The following EMSY variants were observed in gnomAD, a reference collection of about 807,000 sequenced individuals.
The protein encoded by EMSY is BRCA2-interacting transcriptional repressor EMSY.
EMSY carries 26 observed loss-of-function variants against 134.6 expected under a neutral mutation model. The ratio of observed to expected loss-of-function variants is 0.19; its 90% confidence interval spans 0.14 to 0.27. The LOEUF (loss-of-function observed/expected upper bound fraction) is 0.27. Among genes scored for constraint, EMSY ranks in the 10% least tolerant of loss-of-function variants. The pLI is 1.00. For synonymous variants in EMSY, 579 were observed against 577.8 expected, an observed-to-expected ratio of 1.00 and a Z score of -0.03; for missense variants, 1,305 against 1,611.4, an observed-to-expected ratio of 0.81 and a Z score of 3.26.
In EMSY at chr11:76,503,889, A is replaced by G. The variant is rs140912855; in HGVS notation, c.1363+7420A>G. 6.0e-3 allele frequency among the ~76,000 whole-genome samples: 906 copies of G among 151,986 alleles called. 18 individuals are homozygous for G. The highest frequency in any genetic ancestry group is 0.059 in the East Asian group (304 of 5,172). ...AACTTACGCCTCCTGGGTTCAAGCA[A>G]TTCTCCTGCTTCAGCCTCCCGAGTA... On this transcript the variant is annotated intron_variant, in intron 9 of 20. Transcript: ENST00000334736.
chr11:76,482,955 T>G (rs539475020), intron 8 of EMSY, among the ~76,000 whole-genome samples: 24 of 152,202 alleles, frequency 1.6e-4, no homozygotes, highest in Admixed American at 6.5e-4. Context: ...AATCGTCAGA[T>G]TCACCAAGGT....
chr11:76,519,609 C>A (rs181530342), intron 11 of EMSY, among the ~76,000 whole-genome samples: 1 of 152,042 alleles, frequency 6.6e-6, no homozygotes, highest in Non-Finnish European at 1.5e-5. Flanking sequence ...CTTTTTCATT[C>A]GTTCATTCTT....
chr11:76,467,490 T>G (rs1331531882), intron 7 of EMSY, among the ~76,000 whole-genome samples: 1 of 152,238 alleles, frequency 6.6e-6, no homozygotes, highest in Non-Finnish European at 1.5e-5. Flanking sequence ...TTGTTTATCT[T>G]CTATTTCTCC....
intron 6 of EMSY, among the ~76,000 whole-genome samples, chr11:76,462,632 T>C (rs1459738227): frequency 6.6e-6 from 1 of 152,140 alleles, no homozygotes; most frequent in African/African-American, 2.4e-5. Flanking sequence ...AGGTCATTGA[T>C]GTTAGGTGGT....
At chr11:76,470,982 C>G (rs1260052767) in intron 7 of EMSY, among the ~76,000 whole-genome samples, 1 of 152,130 alleles carries the variant, frequency 6.6e-6, no homozygotes, top group Non-Finnish European at 1.5e-5. Flanking sequence ...CTTGACATCT[C>G]TTTCCTGCCT....
intron 20 of EMSY, among the ~76,000 whole-genome samples, chr11:76,549,449 GTTC>G (rs1294368859): frequency 5.9e-5 from 9 of 152,214 alleles, no homozygotes; most frequent in Non-Finnish European, 1.3e-4. Flanking sequence ...TACAGCAAGT[GTTC>G]TTCTACTGGT....
rs559571992 is a variant in EMSY at position 76,462,791 on chromosome 11, T to C, written c.572-1030T>C. ...CAGGTATTGTGTTCTTGGAAAGATA[T>C]GGAGTCTTGAATGATATGGTAATGA... On this transcript the variant is annotated intron_variant, in intron 6 of 20. Coordinates refer to ENST00000334736, the Ensembl canonical transcript of EMSY. 3.3e-5 allele frequency among the ~76,000 whole-genome samples: 5 copies of C among 152,346 alleles called. No homozygotes were observed. In the South Asian group the frequency reaches 8.3e-4, roughly 25 times the overall value.
At chr11:76,473,146 A>G (rs1162733061) in intron 8 of EMSY, among the ~76,000 whole-genome samples, 6 of 152,214 alleles carry the variant, frequency 3.9e-5, no homozygotes, top group Non-Finnish European at 4.4e-5. Flanking sequence ...TAATATAATG[A>G]AATTTTTAAA....
chr11:76,487,825 G>T (rs370910484), intron 8 of EMSY, among the ~76,000 whole-genome samples: 1 of 152,230 alleles, frequency 6.6e-6, no homozygotes, highest in South Asian at 2.1e-4. Flanking sequence ...ATCTGGAAAA[G>T]ATTCAAAATA....
intron 8 of EMSY, among the ~76,000 whole-genome samples, chr11:76,495,977 G>A (rs1436652269): frequency 1.3e-5 from 2 of 152,028 alleles, no homozygotes; most frequent in African/African-American, 4.8e-5. Flanking sequence ...TTCACCAAGG[G>A]AAAATCAGTT....
chr11:76,515,714 A>G (rs1950428026), intron 10 of EMSY, among the ~76,000 whole-genome samples: 1 of 152,228 alleles, frequency 6.6e-6, no homozygotes, highest in Admixed American at 6.5e-5. Context: ...TATTTGCTCA[A>G]TGCCAACATT....
chr11:76,484,006 A>T (rs1375414222), intron 8 of EMSY, among the ~76,000 whole-genome samples: 1 of 152,170 alleles, frequency 6.6e-6, no homozygotes, highest in Non-Finnish European at 1.5e-5. Flanking sequence ...GAAGTAAAAC[A>T]CTTCTCAGCA....
intron 9 of EMSY, among the ~76,000 whole-genome samples, chr11:76,503,973 A>G (rs1949978731): frequency 6.7e-6 from 1 of 149,028 alleles, no homozygotes; most frequent in Non-Finnish European, 1.5e-5. Flanking sequence ...TTTTGTAGAG[A>G]TGGGTTTTCA....
intron 10 of EMSY, among the ~76,000 whole-genome samples, chr11:76,514,826 A>G (rs780665768): frequency 5.6e-4 from 85 of 152,204 alleles, no homozygotes; most frequent in Non-Finnish European, 1.2e-3. Context: ...TTTAAACACT[A>G]TTATTCTTTA....
intron 8 of EMSY, among the ~76,000 whole-genome samples, chr11:76,478,315 T>C (rs933841716): frequency 4.3e-4 from 65 of 152,098 alleles, no homozygotes; most frequent in Non-Finnish European, 1.2e-4. Flanking sequence ...TTTTCTATAT[T>C]ATTACCTTTT....
At chr11:76,463,922 G>C in exon 7 of EMSY, 1 of 1,614,200 alleles carries the variant, frequency 6.2e-7, no homozygotes, top group South Asian at 1.1e-5. Flanking sequence ...AAAGGCCGTT[G>C]TTCCAGTCTC....
chr11:76,471,688 A>C (rs1209576598), intron 7 of EMSY, among the ~76,000 whole-genome samples: 2 of 152,194 alleles, frequency 1.3e-5, no homozygotes, highest in Admixed American at 6.5e-5. Flanking sequence ...GTTTTTGGAC[A>C]GAAGACCTCA....
At chr11:76,447,206 A>G (rs1450753626) in intron 2 of EMSY, among the ~76,000 whole-genome samples, 198 bp downstream of exon 2, 1 of 152,230 alleles carries the variant, frequency 6.6e-6, no homozygotes, top group African/African-American at 2.4e-5. Flanking sequence ...GTGAATTGTA[A>G]TAATACTAGT....
chr11:76,542,913 G>A (rs749426159), intron 18 of EMSY, among the ~76,000 whole-genome samples: 2 of 152,108 alleles, frequency 1.3e-5, no homozygotes, highest in Admixed American at 6.6e-5. Flanking sequence ...AGGACATCTG[G>A]TATTAAGGGT....
Sources: gnomAD v4.1 joint callset for allele counts (sites outside exome capture counted in the v4.1 genomes callset) on GRCh38, gnomAD v4.1.1 for gene constraint, MANE v1.5 for transcripts, NCBI Gene and HGNC (gene_info 2026-07-23, HGNC 2026-07-21) for gene names.